The following SLC22A15 variants were observed in gnomAD, a reference collection of about 807,000 sequenced individuals.
SLC22A15 encodes the protein solute carrier family 22 member 15.
Under a neutral mutation model 62.7 loss-of-function variants are expected in SLC22A15, and 45 were observed. The observed-to-expected ratio is 0.72, with a 90% CI of 0.56 to 0.92. SLC22A15 has a LOEUF of 0.92. Ranked by LOEUF, SLC22A15 falls within the 40% of genes least tolerant of loss-of-function variation. The pLI, the probability that SLC22A15 is intolerant of heterozygous loss-of-function variation, is 0.00. For synonymous variants in SLC22A15, 264 were observed against 267.0 expected, an observed-to-expected ratio of 0.99 and a Z score of 0.11; for missense variants, 622 against 665.6, an observed-to-expected ratio of 0.93 and a Z score of 0.72.
chr1:115,980,548 T>G (rs1244055092), intron 1 of SLC22A15, among the ~76,000 whole-genome samples: 7 of 151,992 alleles, frequency 4.6e-5, no homozygotes, highest in Admixed American at 3.9e-4. Context: ...AACACAATGT[T>G]AAGTGAAAAA....
intron 8 of SLC22A15, among the ~76,000 whole-genome samples, chr1:116,040,964 T>C (rs1248078183): frequency 6.6e-6 from 1 of 152,198 alleles, no homozygotes; most frequent in Non-Finnish European, 1.5e-5. Flanking sequence ...GTCAGAGGAT[T>C]AATGCTGCCT....
chr1:115,989,325 G>A (rs1348880932), intron 1 of SLC22A15, among the ~76,000 whole-genome samples: 5 of 152,162 alleles, frequency 3.3e-5, no homozygotes, highest in African/African-American at 1.2e-4. Flanking sequence ...TTATGAATAA[G>A]GGTATATAGC....
intron 8 of SLC22A15, among the ~76,000 whole-genome samples, chr1:116,049,700 C>G (rs190990305): frequency 2.0e-5 from 3 of 152,080 alleles, no homozygotes; most frequent in African/African-American, 7.2e-5. Flanking sequence ...ACTAGAGAAA[C>G]AAGAACAAAC....
At chr1:116,047,635 A>G (rs566676173) in intron 8 of SLC22A15, among the ~76,000 whole-genome samples, 18 of 152,284 alleles carry the variant, frequency 1.2e-4, no homozygotes, top group African/African-American at 4.3e-4. Flanking sequence ...AGAGACAACA[A>G]TCACTGCAGT....
intron 2 of SLC22A15, among the ~76,000 whole-genome samples, chr1:115,999,410 A>G (rs1306181863): frequency 6.6e-6 from 1 of 151,448 alleles, no homozygotes; most frequent in African/African-American, 2.4e-5. Context: ...TCCAGCAACT[A>G]TTGTATTGGG....
intron 1 of SLC22A15, among the ~76,000 whole-genome samples, chr1:115,986,117 A>G (rs1654851971): frequency 6.6e-6 from 1 of 151,872 alleles, no homozygotes; most frequent in Non-Finnish European, 1.5e-5. Flanking sequence ...TGCTGGGATT[A>G]TAGGCATGAG....
At chr1:116,005,632 T>C (rs1262408403) in intron 2 of SLC22A15, among the ~76,000 whole-genome samples, 2 of 152,178 alleles carry the variant, frequency 1.3e-5, no homozygotes, top group Non-Finnish European at 2.9e-5. Flanking sequence ...TAGGTCACTA[T>C]AGGTAAACTC....
rs771464929 is a variant in SLC22A15 at position 115,976,710 on chromosome 1, T to C, written c.83T>C (p.Leu28Pro). The C allele has an allele frequency of 6.3e-7, 1 of 1,580,790 alleles. No individual in the cohort carries two copies. The highest frequency in any genetic ancestry group is 8.6e-7 in the Non-Finnish European group (1 of 1,165,062). Residue 28 changes from leucine to proline, a missense_variant, in exon 1 of 12, where the codon CTG becomes CCG. Coordinates refer to ENST00000369503, the MANE Select transcript of SLC22A15 (RefSeq NM_018420.3). ...MYLCFLLAVL[L>P]QLYVATEAIL... ...TTGTGCTTCCTGCTGGCCGTGCTGC[T>C]GCAGGTAAGTCCCCGCGGCCCCGCA...
chr1:116,029,759 TG>T (rs1657300798), intron 5 of SLC22A15, among the ~76,000 whole-genome samples: 1 of 152,230 alleles, frequency 6.6e-6, no homozygotes, highest in Non-Finnish European at 1.5e-5. Context: ...TAAACAATTT[TG>T]AAAACACAGA....
chr1:116,035,082 C>A, intron 6 of SLC22A15, 105 bp from the exon 7 acceptor site: 1 of 1,187,142 alleles, frequency 8.4e-7, no homozygotes, highest in Non-Finnish European at 1.2e-6. Context: ...GCAGATCAAG[C>A]AATTATATTG....
At chr1:115,997,350 AT>A (rs1489403989) in intron 2 of SLC22A15, among the ~76,000 whole-genome samples, 1 of 152,070 alleles carries the variant, frequency 6.6e-6, no homozygotes, top group Non-Finnish European at 1.5e-5. Flanking sequence ...TGTCATCAGT[AT>A]TTTGATAGAG....
At chr1:115,998,291 G>A (rs969480098) in intron 2 of SLC22A15, among the ~76,000 whole-genome samples, 3 of 152,042 alleles carry the variant, frequency 2.0e-5, no homozygotes, top group African/African-American at 7.2e-5. Context: ...GGTAATACTG[G>A]CCTCGAAGGA....
chr1:115,997,483 A>G (rs543663109), intron 2 of SLC22A15, among the ~76,000 whole-genome samples: 23 of 152,168 alleles, frequency 1.5e-4, no homozygotes, highest in African/African-American at 3.4e-4. Flanking sequence ...TCTTGCATCA[A>G]TATTTTATAG....
At chr1:116,020,963 G>A (rs1570738168) in intron 4 of SLC22A15, 78 bp downstream of exon 4, 1 of 1,319,474 alleles carries the variant, frequency 7.6e-7, no homozygotes, top group East Asian at 2.4e-5. Flanking sequence ...TAATCCTAGA[G>A]TCTGGAAATG....
chr1:116,003,950 C>T (rs1174148250), intron 2 of SLC22A15, among the ~76,000 whole-genome samples: 4 of 152,208 alleles, frequency 2.6e-5, no homozygotes, highest in Admixed American at 2.6e-4. Context: ...GTTCCTTCCT[C>T]AGGAAACTGA....
intron 2 of SLC22A15, among the ~76,000 whole-genome samples, chr1:116,014,415 A>C (rs1362093460): frequency 3.3e-5 from 5 of 152,226 alleles, no homozygotes; most frequent in African/African-American, 1.2e-4. Flanking sequence ...TTGAAAATAG[A>C]GTATATTGAA....
At chr1:116,016,034 G>A (rs2995522) in intron 2 of SLC22A15, among the ~76,000 whole-genome samples, 1 of 152,126 alleles carries the variant, frequency 6.6e-6, no homozygotes, top group Non-Finnish European at 1.5e-5. Context: ...TCAAATGCTG[G>A]AGCTCTTTTA....
Position 116,067,159 on chromosome 1 carries a change from G to T in SLC22A15, c.*51G>T, listed in dbSNP as rs1658518501. On this transcript the variant is annotated 3_prime_UTR_variant, in exon 12 of 12. Transcript: ENST00000369503. ...CAAAGGATCGTCTTTTATGCCTCTG[G>T]CTAAGGCAGGTTCTTCCATGACTCC... 6 of 1,412,772 alleles carry T rather than the reference G, an allele frequency of 4.2e-6. No homozygotes were observed. The African/African-American group carries it at 5.6e-5, about 13-fold the overall frequency. The allele number at this position is 1,412,772 out of a possible 1,614,324, so 87.5% of individuals were successfully genotyped here.
intron 1 of SLC22A15, among the ~76,000 whole-genome samples, chr1:115,987,071 A>G (rs1654906527): frequency 6.6e-6 from 1 of 152,156 alleles, no homozygotes; most frequent in African/African-American, 2.4e-5. Context: ...CTGGAATGCT[A>G]GAAAACTTAT....
Sources: allele counts gnomAD v4.1 joint callset (sites outside exome capture counted in the v4.1 genomes callset), GRCh38; gene constraint gnomAD v4.1.1; transcripts MANE v1.5; gene names NCBI Gene and HGNC (gene_info 2026-07-23, HGNC 2026-07-21).